The following MID1 variants were observed in gnomAD, a reference collection of about 807,000 sequenced individuals.
The protein encoded by MID1 is midline 1, also known as E3 ubiquitin-protein ligase Midline-1.
MID1 carries 7 observed loss-of-function variants against 40.4 expected under a neutral mutation model. The observed-to-expected ratio is 0.17, with a 90% CI of 0.10 to 0.33. MID1 has a LOEUF of 0.33. MID1 is among the 10% of genes least tolerant of loss of function. The probability of loss-of-function intolerance (pLI) is 1.00; values close to 1 mark genes in which losing one functional copy is unlikely to be tolerated. For synonymous variants in MID1, 229 were observed against 221.2 expected (o/e 1.04, Z -0.31); for missense variants, 367 against 558.5 (o/e 0.66, Z 3.46).
intron 1 of MID1, among the ~76,000 whole-genome samples, chrX:10,609,581 G>A (rs922541891): frequency 2.7e-5 from 3 of 110,689 alleles, no homozygotes; most frequent in African/African-American, 9.9e-5. Flanking sequence ...GTCTTTACTC[G>A]AGGGTCTCTG....
At chrX:10,623,202 G>A (rs1363907271), upstream of MID1, among the ~76,000 whole-genome samples, 2 of 105,731 alleles carry the variant, frequency 1.9e-5, no homozygotes, top group Admixed American at 2.0e-4. Context: ...AGTGAGCCTA[G>A]GTTGTGCCAC....
At position 10,722,115 on chromosome X, in the gene MID1, C is replaced by CA. The variant is rs35737786; in HGVS notation, c.-186-101697dup. 6.3e-3 allele frequency among the ~76,000 whole-genome samples: 655 copies of CA among 103,261 alleles called. 1 individual carries two copies. Among genetic ancestry groups the CA allele is most frequent in the African/African-American group, 0.01 (301 of 28,740 alleles). 89.7% of individuals were successfully genotyped at this position (103,261 alleles called of 115,157 possible). ...AATTTTAAAAGCAAGCATATGGCTG[C>CA]AAAAAAAAAAATCACTTAATAGATG... On this transcript the variant is annotated intron_variant, in intron 1 of 10. Coordinates refer to the MID1 transcript ENST00000380785.
chrX:10,560,735 T>C (rs1420462498), intron 2 of MID1, among the ~76,000 whole-genome samples: 1 of 110,525 alleles, frequency 9.0e-6, no homozygotes, highest in Non-Finnish European at 1.9e-5. Context: ...CACAAACAAA[T>C]GGAAAAAAAA....
chrX:10,701,578 C>G (rs185759491), intron 1 of MID1, among the ~76,000 whole-genome samples: 1 of 112,278 alleles, frequency 8.9e-6, no homozygotes, highest in African/African-American at 3.2e-5. Flanking sequence ...AGAGGAGATG[C>G]GGCAGCAGTT....
intron 1 of MID1, among the ~76,000 whole-genome samples, chrX:10,753,178 C>T (rs1019711292): frequency 8.9e-6 from 1 of 112,107 alleles, no homozygotes; most frequent in South Asian, 3.7e-4. Flanking sequence ...AGAACGGTGG[C>T]AGTAGTCGGC....
chrX:10,794,983 C>T (rs1248236571), intron 1 of MID1, among the ~76,000 whole-genome samples: 1 of 111,664 alleles, frequency 9.0e-6, no homozygotes, highest in African/African-American at 3.3e-5. Context: ...TCTGTGGACT[C>T]AGTGATGACT....
At chrX:10,471,950 GA>G (rs111337485) in intron 6 of MID1, among the ~76,000 whole-genome samples, 20 of 108,577 alleles carry the variant, frequency 1.8e-4, no homozygotes, top group South Asian at 7.9e-4. Flanking sequence ...CATGTCATAG[GA>G]AAAAAAAAAT....
intron 3 of MID1, chrX:10,501,258 G>A (rs1931526892): frequency 2.1e-6 from 1 of 487,078 alleles, no homozygotes. Flanking sequence ...ACAGTGAGCC[G>A]AGATCTCAGG....
chrX:10,613,758 G>C (rs939816187), intron 1 of MID1, among the ~76,000 whole-genome samples: 1 of 88,819 alleles, frequency 1.1e-5, no homozygotes, highest in Non-Finnish European at 2.1e-5. Context: ...GAGAGAGAGA[G>C]AGAGAGAGAG....
chrX:10,685,874 T>TCACACACA (rs1394966596), intron 1 of MID1, among the ~76,000 whole-genome samples: 33 of 30,035 alleles, frequency 1.1e-3, no homozygotes, highest in African/African-American at 5.2e-3. Flanking sequence ...CCCCACATAC[T>TCACACACA]CATACACACA....
intron 5 of MID1, among the ~76,000 whole-genome samples, chrX:10,481,775 C>CT (rs924381540): frequency 2.0e-4 from 22 of 112,377 alleles, no homozygotes; most frequent in African/African-American, 7.1e-4. Context: ...ACTAGAATTG[C>CT]TATAGGTGTT....
intron 1 of MID1, among the ~76,000 whole-genome samples, chrX:10,655,480 T>G (rs1471431641): frequency 9.0e-6 from 1 of 111,195 alleles, no homozygotes; most frequent in African/African-American, 3.3e-5. Flanking sequence ...CCCATGAGAC[T>G]GAAGTTGGTA....
At chrX:10,742,177 C>G (rs1281655501) in intron 1 of MID1, among the ~76,000 whole-genome samples, 2 of 111,114 alleles carry the variant, frequency 1.8e-5, no homozygotes, top group African/African-American at 6.5e-5. Context: ...CCAGCACCTA[C>G]AGTTATAAAA....
At position 10,566,133 on chromosome X, in the gene MID1, CAT is replaced by C. The variant is rs770157654; in HGVS notation, c.660+753_660+754del. ...CCTAGAAAGTGATCCTTTTATTTCA[CAT>C]ATAGTCATATTAATCATTATCCCCC... On this transcript the variant is annotated intron_variant, in intron 2 of 9. Transcript: ENST00000317552. 7.6e-3 allele frequency among the ~76,000 whole-genome samples: 840 copies of C among 111,216 alleles called. 8 individuals carry two copies. Among genetic ancestry groups the C allele is most frequent in the African/African-American group, 0.026 (797 of 30,559 alleles).
At chrX:10,477,024 C>T (rs764294817) in intron 5 of MID1, among the ~76,000 whole-genome samples, 2 of 112,194 alleles carry the variant, frequency 1.8e-5, no homozygotes, top group South Asian at 7.4e-4. Context: ...ACCAAAGAGC[C>T]CAGAATATAT....
intron 1 of MID1, among the ~76,000 whole-genome samples, chrX:10,598,649 A>C (rs1169956502): frequency 8.9e-6 from 1 of 112,383 alleles, no homozygotes. Flanking sequence ...TGGCCACTTA[A>C]GAAGGAATGC....
chrX:10,712,990 C>T (rs1427380702), intron 1 of MID1, among the ~76,000 whole-genome samples: 2 of 110,822 alleles, frequency 1.8e-5, no homozygotes, highest in Non-Finnish European at 3.8e-5. Context: ...GCACGTGCCA[C>T]CACACCCGGC....
intron 1 of MID1, among the ~76,000 whole-genome samples, chrX:10,610,334 A>G (rs1039017353): frequency 4.5e-5 from 5 of 112,355 alleles, no homozygotes; most frequent in African/African-American, 1.6e-4. Flanking sequence ...TCCGCCCCAT[A>G]CAAACTGATG....
rs760349065 is a variant in MID1 at position 10,449,610 on chromosome X, G to T, written c.1762C>A (p.His588Asn). ...TCAATGGGGATTTCCTTGCTATTGT[G>T]TCTCACCACCCAGTTATTGTTGCAG... ...CRCNNNWVVR[H>N]NSKEIPIEPA... is the part of the protein sequence containing the mutation. The change falls in exon 10 of 10, where the codon CAC (histidine) becomes AAC (asparagine). Residue 588 changes from histidine to asparagine, a missense_variant. Physicochemically the swap from His to Asn is moderately conservative, Grantham distance 68 (BLOSUM62 1). Transcript: ENST00000317552. The T allele has an allele frequency of 8.3e-7, 1 of 1,209,974 alleles. No homozygotes were observed. The highest frequency in any genetic ancestry group is 2.2e-5 in the Admixed American group (1 of 45,814).
Sources: gnomAD v4.1 joint callset for allele counts (sites outside exome capture counted in the v4.1 genomes callset) on GRCh38, gnomAD v4.1.1 for gene constraint, MANE v1.5 for transcripts, NCBI Gene and HGNC (gene_info 2026-07-23, HGNC 2026-07-21) for gene names.